Variants in IGF1R observed in about 807,000 individuals in gnomAD.
IGF1R encodes the protein insulin-like growth factor 1 receptor.
In IGF1R, 44 loss-of-function variants were observed where a neutral mutation model predicts 144.6. The observed-to-expected ratio is 0.30, with a 90% CI of 0.24 to 0.39. The LOEUF (loss-of-function observed/expected upper bound fraction) is 0.39. Among genes scored for constraint, IGF1R ranks in the 10% least tolerant of loss-of-function variants. IGF1R has a pLI of 1.00. For synonymous variants in IGF1R, 795 were observed against 722.8 expected (o/e 1.10, Z -1.60); for missense variants, 1,355 against 1,833.7 (o/e 0.74, Z 4.77).
chr15:98,847,939 A>C (rs752798122), intron 2 of IGF1R, among the ~76,000 whole-genome samples: 2 of 152,144 alleles, frequency 1.3e-5, no homozygotes, highest in African/African-American at 4.8e-5. Context: ...CCGGGAGCTC[A>C]TTTGCAGAGC....
intron 1 of IGF1R, among the ~76,000 whole-genome samples, chr15:98,684,032 T>C (rs1366295117): frequency 6.6e-6 from 1 of 152,160 alleles, no homozygotes; most frequent in South Asian, 2.1e-4. Context: ...AGCTGTACCA[T>C]GTGCCCGTGC....
intron 1 of IGF1R, among the ~76,000 whole-genome samples, chr15:98,700,713 G>A (rs2053709901): frequency 6.6e-6 from 1 of 152,012 alleles, no homozygotes; most frequent in African/African-American, 2.4e-5. Flanking sequence ...GATTCCCCCA[G>A]CTGCCACCAG....
intron 2 of IGF1R, among the ~76,000 whole-genome samples, chr15:98,768,956 A>C (rs1010943020): frequency 9.4e-6 from 1 of 106,386 alleles, no homozygotes; most frequent in African/African-American, 3.3e-5. Flanking sequence ...AACAACAACA[A>C]CAACACCTCA....
chr15:98,668,318 A>G (rs1460439364), intron 1 of IGF1R, among the ~76,000 whole-genome samples: 1 of 152,206 alleles, frequency 6.6e-6, no homozygotes, highest in Non-Finnish European at 1.5e-5. Flanking sequence ...GGACACAGTC[A>G]TGCAGTTCAG....
At chr15:98,841,262 CA>C (rs898654445) in intron 2 of IGF1R, among the ~76,000 whole-genome samples, 2 of 151,254 alleles carry the variant, frequency 1.3e-5, no homozygotes, top group African/African-American at 2.4e-5. Context: ...AGATGAGCTA[CA>C]AAAAAAAATA....
intron 2 of IGF1R, among the ~76,000 whole-genome samples, chr15:98,879,902 C>T (rs925930969): frequency 6.6e-6 from 1 of 152,160 alleles, no homozygotes; most frequent in African/African-American, 2.4e-5. Flanking sequence ...TGTCTGATTC[C>T]ATTCATGTAA....
At chr15:98,801,303 T>G (rs2056358448) in intron 2 of IGF1R, among the ~76,000 whole-genome samples, 1 of 152,204 alleles carries the variant, frequency 6.6e-6, no homozygotes, top group Non-Finnish European at 1.5e-5. Context: ...GAGGCCCCAT[T>G]GTTGTGGCCA....
chr15:98,839,259 A>G (rs968747503), intron 2 of IGF1R, among the ~76,000 whole-genome samples: 1 of 152,204 alleles, frequency 6.6e-6, no homozygotes, highest in African/African-American at 2.4e-5. Context: ...AGGTTAAGTA[A>G]TTTGGCCAAG....
At chr15:98,920,516 T>C (rs867376277) in intron 10 of IGF1R, among the ~76,000 whole-genome samples, 3 of 152,120 alleles carry the variant, frequency 2.0e-5, no homozygotes, top group Non-Finnish European at 2.9e-5. Context: ...GTTGTGTTGG[T>C]TTTGAAGGTA....
intron 2 of IGF1R, among the ~76,000 whole-genome samples, chr15:98,873,330 T>G (rs942439070): frequency 1.5e-4 from 23 of 152,368 alleles, no homozygotes; most frequent in African/African-American, 5.1e-4. Flanking sequence ...GATTTCTCTT[T>G]AGGTAAATAG....
In IGF1R at chr15:98,691,008, G is replaced by A. The variant is rs74032525; in HGVS notation, c.95-16554G>A. Among the ~76,000 whole-genome samples the A allele has an allele frequency of 4.6e-3, 706 of 152,228 alleles. 4 individuals are homozygous for A. The highest frequency in any genetic ancestry group is 0.016 in the African/African-American group (654 of 41,540). ...GTTTTAGATTTACAGAAAAGTTGCCGCGATAGTCTAGAGAGATCCCATGTA... is the reference window on the plus strand; with the variant it reads ...GTTTTAGATTTACAGAAAAGTTGCCACGATAGTCTAGAGAGATCCCATGTA... On this transcript the variant is annotated intron_variant, in intron 1 of 20. Transcript: ENST00000650285.
intron 17 of IGF1R, among the ~76,000 whole-genome samples, chr15:98,937,324 C>T (rs1319156948): frequency 1.3e-5 from 2 of 152,170 alleles, no homozygotes; most frequent in Non-Finnish European, 2.9e-5. Context: ...CCTTCCTCCC[C>T]AGTTTCAGGC....
rs1596472846 is a variant in IGF1R at position 98,939,318 on chromosome 15, C to T, written c.3415C>T (p.Arg1139Trp). Residue 1139 changes from arginine (R) to tryptophan (W), a missense_variant, in exon 18 of 21, where the codon CGG becomes TGG. Coordinates refer to ENST00000650285, the MANE Select transcript of IGF1R (RefSeq NM_000875.5). ...NKFVHRDLAA[R>W]NCMVAEDFTV... ...GTTCGTCCACAGAGACCTTGCTGCC[C>T]GGAATTGCATGGTAGCCGAAGATTT... The T allele has an allele frequency of 1.2e-6, 2 of 1,614,036 alleles. No individual in the cohort carries two copies. Among genetic ancestry groups the T allele is most frequent in the Non-Finnish European group, 1.7e-6 (2 of 1,179,994 alleles).
chr15:98,903,801 G>A (rs1212658153), intron 5 of IGF1R, among the ~76,000 whole-genome samples: 1 of 152,136 alleles, frequency 6.6e-6, no homozygotes, highest in Non-Finnish European at 1.5e-5. Context: ...TAAAACATTA[G>A]GCTAAGTGAA....
At chr15:98,892,413 A>G (rs1304333114) in intron 3 of IGF1R, among the ~76,000 whole-genome samples, 3 of 150,798 alleles carry the variant, frequency 2.0e-5, no homozygotes, top group African/African-American at 7.3e-5. Context: ...TAGCACCTGT[A>G]GTCCTAGCTA....
intron 9 of IGF1R, 118 bp from the exon 10 acceptor site, chr15:98,916,554 A>T: frequency 1.1e-6 from 1 of 947,256 alleles, no homozygotes; most frequent in Admixed American, 1.9e-5. Flanking sequence ...GAGCCACCAC[A>T]TCTGGCCGAG....
At chr15:98,706,840 G>A (rs1293188170) in intron 1 of IGF1R, among the ~76,000 whole-genome samples, 6 of 119,062 alleles carry the variant, frequency 5.0e-5, no homozygotes. Flanking sequence ...TTTTTTTTTT[G>A]GTTATTACCT....
chr15:98,811,103 C>T (rs2056580386), intron 2 of IGF1R, among the ~76,000 whole-genome samples: 1 of 151,618 alleles, frequency 6.6e-6, no homozygotes, highest in Non-Finnish European at 1.5e-5. Context: ...GAGTTCGAAA[C>T]CAGCCTGACC....
chr15:98,863,650 G>C (rs2684780), intron 2 of IGF1R, among the ~76,000 whole-genome samples: 30,069 of 152,184 alleles, frequency 0.2, 3,791 homozygotes, highest in East Asian at 0.42. Flanking sequence ...ATATGCAGAA[G>C]CTTAAGAAAT....
Sources: allele counts gnomAD v4.1 joint callset (sites outside exome capture counted in the v4.1 genomes callset), GRCh38; gene constraint gnomAD v4.1.1; transcripts MANE v1.5; gene names NCBI Gene and HGNC (gene_info 2026-07-23, HGNC 2026-07-21).